The following STK38L variants were observed in gnomAD, a reference collection of about 807,000 sequenced individuals.
STK38L encodes the protein serine/threonine kinase 38 like, also known as serine/threonine-protein kinase 38-like.
A neutral mutation model predicts 59.7 loss-of-function variants in STK38L; 28 were observed. The observed-to-expected ratio is 0.47, with a 90% CI of 0.35 to 0.64. The LOEUF (loss-of-function observed/expected upper bound fraction) is 0.64. Among genes scored for constraint, STK38L ranks in the 30% least tolerant of loss-of-function variants. The pLI is 0.01. For synonymous variants in STK38L, 162 were observed against 176.8 expected (o/e 0.92, Z 0.66); for missense variants, 314 against 555.8 (o/e 0.56, Z 4.37).
At chr12:27,257,700 A>G (rs756018481) in intron 1 of STK38L, among the ~76,000 whole-genome samples, 1 of 152,122 alleles carries the variant, frequency 6.6e-6, no homozygotes, top group Non-Finnish European at 1.5e-5. Flanking sequence ...GGCATCACTA[A>G]GTATTGAATA....
intron 1 of STK38L, among the ~76,000 whole-genome samples, chr12:27,293,372 G>A (rs1359100745): frequency 6.6e-6 from 1 of 152,196 alleles, no homozygotes; most frequent in Non-Finnish European, 1.5e-5. Context: ...GTGTGTTTTA[G>A]ATTCCACCTT....
At chr12:27,319,738 T>C (rs1029221480) in intron 12 of STK38L, among the ~76,000 whole-genome samples, 1 of 152,258 alleles carries the variant, frequency 6.6e-6, no homozygotes, top group African/African-American at 2.4e-5. Context: ...ATTTTTGTCC[T>C]TGCTGTAATA....
intron 1 of STK38L, among the ~76,000 whole-genome samples, chr12:27,275,744 CAAAT>C (rs1943521962): frequency 6.6e-6 from 1 of 152,114 alleles, no homozygotes; most frequent in Non-Finnish European, 1.5e-5. Flanking sequence ...AAATGTTTCT[CAAAT>C]AAATAAATAA....
At chr12:27,270,657 C>T (rs1009373683) in intron 1 of STK38L, among the ~76,000 whole-genome samples, 1 of 152,040 alleles carries the variant, frequency 6.6e-6, no homozygotes, top group African/African-American at 2.4e-5. Flanking sequence ...GGATTACAGA[C>T]GTGAGCCACC....
chr12:27,313,300 G>T (rs907464386), intron 6 of STK38L, among the ~76,000 whole-genome samples: 1 of 151,882 alleles, frequency 6.6e-6, no homozygotes, highest in African/African-American at 2.4e-5. Flanking sequence ...AAGGAAAGAG[G>T]TTTAATCATT....
At chr12:27,292,990 G>T (rs1267678803) in intron 1 of STK38L, among the ~76,000 whole-genome samples, 1 of 152,028 alleles carries the variant, frequency 6.6e-6, no homozygotes, top group Non-Finnish European at 1.5e-5. Context: ...ACCCAGGCTG[G>T]AGTCCAGTGG....
chr12:27,302,049 T>G (rs1591918052), intron 2 of STK38L, 88 bp from the exon 3 acceptor site: 12 of 974,534 alleles, frequency 1.2e-5, no homozygotes, highest in South Asian at 6.2e-5. Flanking sequence ...CAAGCTGAAG[T>G]GGTTAACCTG....
chr12:27,302,239 C>A, intron 3 of STK38L, 51 bp downstream of exon 3: 2 of 1,349,092 alleles, frequency 1.5e-6, no homozygotes, highest in South Asian at 3.0e-5. Context: ...AGTGACTTTT[C>A]ATTCATTTGA....
At chr12:27,293,026 A>C (rs1423345043) in intron 1 of STK38L, among the ~76,000 whole-genome samples, 2 of 152,180 alleles carry the variant, frequency 1.3e-5, no homozygotes, top group Non-Finnish European at 2.9e-5. Flanking sequence ...ACCATAGTGC[A>C]CCACAGCCTT....
At chr12:27,253,672 T>A (rs1943025201) in intron 1 of STK38L, among the ~76,000 whole-genome samples, 1 of 152,052 alleles carries the variant, frequency 6.6e-6, no homozygotes, top group Admixed American at 6.6e-5. Context: ...CTTGGGATAG[T>A]GAGAGAAGCT....
At chr12:27,316,525 TG>T (rs1396694839) in intron 9 of STK38L, among the ~76,000 whole-genome samples, 3 of 152,184 alleles carry the variant, frequency 2.0e-5, no homozygotes, top group African/African-American at 7.2e-5. Context: ...ACTCAGTGTT[TG>T]GGGCAGGAAA....
intron 1 of STK38L, among the ~76,000 whole-genome samples, chr12:27,273,054 CTT>C (rs531302215): frequency 7.0e-6 from 1 of 143,386 alleles, no homozygotes. Context: ...TGATTTTTTT[CTT>C]TTTTTTTTTT....
intron 1 of STK38L, among the ~76,000 whole-genome samples, chr12:27,254,481 G>A (rs1027235769): frequency 1.3e-5 from 2 of 152,056 alleles, no homozygotes; most frequent in African/African-American, 4.8e-5. Context: ...TATAATCTAC[G>A]TTAGATTGCT....
intron 11 of STK38L, among the ~76,000 whole-genome samples, chr12:27,318,411 CT>C (rs1944639618): frequency 6.6e-6 from 1 of 152,162 alleles, no homozygotes; most frequent in Admixed American, 6.5e-5. Flanking sequence ...TGTTTTGGTA[CT>C]GCTGTGAATG....
chr12:27,316,590 T>C (rs1349545962), intron 9 of STK38L, among the ~76,000 whole-genome samples: 1 of 152,204 alleles, frequency 6.6e-6, no homozygotes, highest in Admixed American at 6.5e-5. Context: ...GTCACTGAGA[T>C]GACAAAATCT....
At chr12:27,246,943 G>C (rs1332539679) in intron 1 of STK38L, among the ~76,000 whole-genome samples, 1 of 152,152 alleles carries the variant, frequency 6.6e-6, no homozygotes, top group African/African-American at 2.4e-5. Context: ...AAGGAGATGT[G>C]ATCCAGTGGG....
At chr12:27,267,347 A>G (rs1474743446) in intron 1 of STK38L, among the ~76,000 whole-genome samples, 1 of 152,216 alleles carries the variant, frequency 6.6e-6, no homozygotes, top group Non-Finnish European at 1.5e-5. Context: ...TTTGGGAGGC[A>G]GAAGTGGGAA....
At chr12:27,318,194 A>C (rs1944634099) in intron 11 of STK38L, among the ~76,000 whole-genome samples, 175 bp downstream of exon 11, 1 of 152,236 alleles carries the variant, frequency 6.6e-6, no homozygotes, top group African/African-American at 2.4e-5. Flanking sequence ...GCAGAAAAAA[A>C]CGTAGGAATT....
chr12:27,313,616 C>T (rs1944512213), intron 6 of STK38L, among the ~76,000 whole-genome samples: 1 of 151,994 alleles, frequency 6.6e-6, no homozygotes, highest in Non-Finnish European at 1.5e-5. Context: ...CTCCTGACCT[C>T]AAGTGATCCA....
Sources: gnomAD v4.1 joint callset for allele counts (sites outside exome capture counted in the v4.1 genomes callset) on GRCh38, gnomAD v4.1.1 for gene constraint, MANE v1.5 for transcripts, NCBI Gene and HGNC (gene_info 2026-07-23, HGNC 2026-07-21) for gene names.